MAST4: variants seen among roughly 807,000 people sequenced by gnomAD.
MAST4 encodes microtubule-associated serine/threonine-protein kinase 4.
MAST4 carries 89 observed loss-of-function variants against 162.7 expected under a neutral mutation model. The observed-to-expected ratio is 0.55, with a 90% confidence interval of 0.46 to 0.65. The LOEUF is 0.65. Among genes scored for constraint, MAST4 ranks in the 30% least tolerant of loss-of-function variants. The probability of loss-of-function intolerance (pLI) is 0.00; values close to 1 mark genes in which losing one functional copy is unlikely to be tolerated. For synonymous variants in MAST4, 1,479 were observed against 1,361.1 expected, an observed-to-expected ratio of 1.09 and a Z score of -1.91; for missense variants, 3,153 against 3,374.0, an observed-to-expected ratio of 0.93 and a Z score of 1.62.
intron 4 of MAST4, among the ~76,000 whole-genome samples, chr5:66,955,779 G>A (rs1355636314): frequency 1.3e-5 from 2 of 152,072 alleles, no homozygotes; most frequent in Non-Finnish European, 2.9e-5. Context: ...CAAACCATGT[G>A]TGTATATATA....
chr5:67,037,908 A>G (rs1267020710), intron 4 of MAST4, among the ~76,000 whole-genome samples: 1 of 152,044 alleles, frequency 6.6e-6, no homozygotes, highest in Non-Finnish European at 1.5e-5. Context: ...ACAAACATTA[A>G]TTGTTCGTTC....
intron 1 of MAST4, among the ~76,000 whole-genome samples, chr5:66,636,496 C>T (rs577265896): frequency 1.5e-4 from 23 of 152,198 alleles, no homozygotes; most frequent in African/African-American, 5.3e-4. Flanking sequence ...GGTTGATACT[C>T]GTTTGTGGTG....
chr5:66,750,932 C>A (rs1035533154), intron 1 of MAST4, among the ~76,000 whole-genome samples: 1 of 152,226 alleles, frequency 6.6e-6, no homozygotes, highest in South Asian at 2.1e-4. Context: ...GTTCTCCCAG[C>A]ATGCAGCTGG....
At chr5:67,155,352 A>G (rs553049438) in intron 26 of MAST4, among the ~76,000 whole-genome samples, 1 of 152,210 alleles carries the variant, frequency 6.6e-6, no homozygotes, top group Admixed American at 6.5e-5. Context: ...CTTCAGCTTC[A>G]CCTCAAAGCT....
intron 19 of MAST4, among the ~76,000 whole-genome samples, chr5:67,140,385 T>C (rs983257518): frequency 6.6e-6 from 1 of 152,162 alleles, no homozygotes; most frequent in African/African-American, 2.4e-5. Flanking sequence ...TGATTAGGGA[T>C]AGGTGAGAGC....
At chr5:66,749,646 C>T (rs1019581883) in intron 1 of MAST4, among the ~76,000 whole-genome samples, 1 of 152,156 alleles carries the variant, frequency 6.6e-6, no homozygotes, top group Non-Finnish European at 1.5e-5. Context: ...TGGTGCACTT[C>T]CTTTGTGCCA....
At chr5:66,636,658 C>T (rs1202483742) in intron 1 of MAST4, among the ~76,000 whole-genome samples, 2 of 152,106 alleles carry the variant, frequency 1.3e-5, no homozygotes, top group Admixed American at 6.5e-5. Context: ...GTAATGACAT[C>T]GAGATTGTAG....
chr5:66,947,956 CT>C, intron 4 of MAST4, among the ~76,000 whole-genome samples: 1 of 152,238 alleles, frequency 6.6e-6, no homozygotes, highest in South Asian at 2.1e-4. Context: ...AAAATCTAAT[CT>C]CTTTCCCCTG....
chr5:66,636,648 G>T (rs1031187381), intron 1 of MAST4, among the ~76,000 whole-genome samples: 1 of 152,160 alleles, frequency 6.6e-6, no homozygotes, highest in African/African-American at 2.4e-5. Flanking sequence ...GTCACTTGTG[G>T]TAATGACATC....
At chr5:67,112,495 T>G (rs1766365379) in intron 11 of MAST4, among the ~76,000 whole-genome samples, 1 of 152,372 alleles carries the variant, frequency 6.6e-6, no homozygotes, top group Admixed American at 6.5e-5. Flanking sequence ...GTTTTACCTG[T>G]GCCTCTCACC....
intron 1 of MAST4, among the ~76,000 whole-genome samples, chr5:66,758,405 A>C (rs1270552687): frequency 2.0e-5 from 3 of 151,398 alleles, no homozygotes; most frequent in Non-Finnish European, 2.9e-5. Context: ...AAATATTTCT[A>C]TTTATTTAAT....
chr5:67,087,597 T>G (rs1457923899), intron 5 of MAST4, among the ~76,000 whole-genome samples: 1 of 151,654 alleles, frequency 6.6e-6, no homozygotes, highest in Non-Finnish European at 1.5e-5. Context: ...ACCTAAAACC[T>G]GCTAAACTGC....
At chr5:67,142,607 C>T in intron 21 of MAST4, 74 bp downstream of exon 21, 3 of 976,052 alleles carry the variant, frequency 3.1e-6, no homozygotes, top group Non-Finnish European at 4.7e-6. Context: ...TATCCCCGAA[C>T]AGCTGGACAC....
intron 4 of MAST4, among the ~76,000 whole-genome samples, chr5:66,946,967 CTT>C (rs959820648): frequency 3.3e-5 from 5 of 152,070 alleles, no homozygotes; most frequent in African/African-American, 1.2e-4. Context: ...TGCAGTGAAA[CTT>C]TGGAAGATCA....
intron 25 of MAST4, 37 bp from the exon 26 acceptor site, chr5:67,153,421 T>A: frequency 6.3e-7 from 1 of 1,583,504 alleles, no homozygotes; most frequent in Non-Finnish European, 8.6e-7. Flanking sequence ...AGTAGTCATT[T>A]GTTTGCCTAC....
At chr5:66,973,199 A>G (rs1322032752) in intron 4 of MAST4, among the ~76,000 whole-genome samples, 2 of 152,128 alleles carry the variant, frequency 1.3e-5, no homozygotes, top group Middle Eastern at 3.4e-3. Flanking sequence ...CTCCTATATA[A>G]CTATATTATT....
intron 1 of MAST4, among the ~76,000 whole-genome samples, chr5:66,733,993 T>C (rs1752015720): frequency 1.3e-5 from 2 of 152,342 alleles, no homozygotes; most frequent in Admixed American, 1.3e-4. Flanking sequence ...ACTTCCTTCA[T>C]GAACCCTTTT....
chr5:66,897,766 C>G (rs1762777901), intron 3 of MAST4, among the ~76,000 whole-genome samples: 1 of 152,226 alleles, frequency 6.6e-6, no homozygotes, highest in Non-Finnish European at 1.5e-5. Flanking sequence ...GGGTTACCCA[C>G]TGTAACCTTT....
chr5:66,959,111 T>C (rs1202891505), intron 4 of MAST4: 1 of 674,586 alleles, frequency 1.5e-6, no homozygotes, highest in Non-Finnish European at 2.7e-6. Flanking sequence ...GACCCAAACT[T>C]GCAGCCTCCC....
Sources: allele counts gnomAD v4.1 joint callset (sites outside exome capture counted in the v4.1 genomes callset), GRCh38; gene constraint gnomAD v4.1.1; transcripts MANE v1.5; gene names NCBI Gene and HGNC (gene_info 2026-07-23, HGNC 2026-07-21).